The following INTS7 variants were observed in gnomAD, a reference collection of about 807,000 sequenced individuals.
INTS7 encodes the protein chromosome 1 open reading frame 73.
INTS7 carries 46 observed loss-of-function variants against 109.2 expected under a neutral mutation model. The observed-to-expected ratio is 0.42, with a 90% CI of 0.33 to 0.54. The LOEUF (loss-of-function observed/expected upper bound fraction) is 0.54. Ranked by LOEUF, INTS7 falls within the 20% of genes least tolerant of loss-of-function variation. The pLI, the probability that INTS7 is intolerant of heterozygous loss-of-function variation, is 0.07. For missense variants in INTS7, 929 were observed against 1,132.4 expected (o/e 0.82, Z 2.58); for synonymous variants, 412 against 402.9 (o/e 1.02, Z -0.27).
intron 8 of INTS7, 116 bp downstream of exon 8, chr1:211,987,770 G>C (rs1447746401): frequency 1.9e-6 from 1 of 532,604 alleles, no homozygotes; most frequent in African/African-American, 1.9e-5. Context: ...GCATGCAATG[G>C]AGTATGAGAT....
intron 13 of INTS7, among the ~76,000 whole-genome samples, chr1:211,972,444 T>G (rs182289529): frequency 6.6e-6 from 1 of 152,172 alleles, no homozygotes; most frequent in Admixed American, 6.5e-5. Flanking sequence ...GAAATGTTCA[T>G]TGGAACGTTT....
chr1:212,030,008 T>C (rs1227466484), intron 1 of INTS7, among the ~76,000 whole-genome samples: 1 of 152,224 alleles, frequency 6.6e-6, no homozygotes, highest in East Asian at 1.9e-4. Context: ...CATGGCAAGA[T>C]GTATGCAACA....
intron 17 of INTS7, among the ~76,000 whole-genome samples, chr1:211,949,508 A>G (rs1039461765): frequency 6.6e-6 from 1 of 152,194 alleles, no homozygotes; most frequent in Admixed American, 6.5e-5. Context: ...AGCCTTGAAA[A>G]TATTTTCACT....
intron 12 of INTS7, 45 bp from the exon 13 acceptor site, chr1:211,975,417 G>T: frequency 7.0e-7 from 1 of 1,437,168 alleles, no homozygotes; most frequent in Non-Finnish European, 9.8e-7. Flanking sequence ...AGGAGCACAC[G>T]GTGAGGTTCT....
intron 1 of INTS7, among the ~76,000 whole-genome samples, chr1:212,031,986 CCTAA>C (rs971375700): frequency 2.0e-5 from 3 of 152,190 alleles, no homozygotes; most frequent in South Asian, 4.1e-4. Context: ...ACATCTTATG[CCTAA>C]CTGACTAATC....
At chr1:212,026,851 C>T (rs1666945944) in intron 1 of INTS7, among the ~76,000 whole-genome samples, 1 of 152,174 alleles carries the variant, frequency 6.6e-6, no homozygotes, top group African/African-American at 2.4e-5. Flanking sequence ...AGCCTATGTA[C>T]AGGTAGTCTC....
intron 16 of INTS7, 141 bp from the exon 17 acceptor site, chr1:211,952,842 G>C (rs1357082004): frequency 6.1e-6 from 5 of 823,802 alleles, no homozygotes; most frequent in Non-Finnish European, 5.6e-6. Context: ...GAAAATTGAG[G>C]CTAGGAGAGG....
chr1:211,982,954 A>G (rs1664728449), intron 8 of INTS7, 144 bp from the exon 9 acceptor site: 2 of 572,998 alleles, frequency 3.5e-6, no homozygotes, highest in Admixed American at 6.6e-5. Context: ...CCCACTATCA[A>G]TACATATCAG....
intron 7 of INTS7, among the ~76,000 whole-genome samples, chr1:212,002,326 G>A (rs1665709492): frequency 2.0e-5 from 3 of 152,144 alleles, no homozygotes; most frequent in Admixed American, 2.0e-4. Context: ...CTGCCTTTGG[G>A]CCCCTACAAC....
At chr1:211,952,795 T>C in intron 16 of INTS7, 94 bp from the exon 17 acceptor site, 1 of 1,149,032 alleles carries the variant, frequency 8.7e-7, no homozygotes, top group South Asian at 1.4e-5. Context: ...TTTCATTTAA[T>C]TTTTAAAATA....
intron 7 of INTS7, among the ~76,000 whole-genome samples, chr1:211,998,054 C>A (rs1665489757): frequency 6.6e-6 from 1 of 152,130 alleles, no homozygotes; most frequent in Non-Finnish European, 1.5e-5. Context: ...GAACTCTTGG[C>A]CTCAAGCGAT....
At chr1:211,966,858 G>C (rs552628899) in intron 15 of INTS7, among the ~76,000 whole-genome samples, 5 of 151,880 alleles carry the variant, frequency 3.3e-5, no homozygotes, top group Admixed American at 3.3e-4. Context: ...ACTGATAAAA[G>C]TTAAAAAAAA....
At chr1:211,987,684 A>AT (rs370885295) in intron 8 of INTS7, among the ~76,000 whole-genome samples, 2 of 152,220 alleles carry the variant, frequency 1.3e-5, no homozygotes, top group African/African-American at 2.4e-5. Context: ...AAAATATATT[A>AT]TTGACTTAAG....
At chr1:212,029,118 C>T (rs577136824) in intron 1 of INTS7, among the ~76,000 whole-genome samples, 29 of 152,302 alleles carry the variant, frequency 1.9e-4, no homozygotes, top group African/African-American at 6.5e-4. Context: ...TTGGGATACA[C>T]ATTAATCAAG....
chr1:211,944,664 TC>T, intron 19 of INTS7, 119 bp downstream of exon 19: 1 of 773,122 alleles, frequency 1.3e-6, no homozygotes, highest in Non-Finnish European at 2.1e-6. Context: ...TTAATTTATG[TC>T]CATCTGATCC....
chr1:211,960,744 A>G (rs1663586153), intron 16 of INTS7, among the ~76,000 whole-genome samples: 1 of 152,322 alleles, frequency 6.6e-6, no homozygotes, highest in East Asian at 1.9e-4. Context: ...ATAAGAGAGT[A>G]AGACAAGAAT....
chr1:211,980,305 A>C (rs1179262807), intron 10 of INTS7, among the ~76,000 whole-genome samples: 6 of 152,218 alleles, frequency 3.9e-5, no homozygotes, highest in African/African-American at 1.4e-4. Flanking sequence ...ACCACACCTT[A>C]GACAAGCTAA....
rs1434558796 is a variant in INTS7, at chr1:211,941,931, C to T, written c.2782G>A (p.Val928Ile). Residue 928 changes from valine (V) to isoleucine (I), a missense_variant, in exon 20 of 20, where the codon GTA becomes ATA. Coordinates refer to ENST00000366994, the MANE Select transcript of INTS7 (RefSeq NM_015434.4). ...GAATAAGGGTCTTCCAGGGATTTTA[C>T]AAATATGGTAGTTCTGGGACCAGTC... ...WKTGPRTTIF[V>I]KSLEDPYSQQ... The T allele has an allele frequency of 1.2e-6, 2 of 1,614,194 alleles. No homozygotes were observed. Among genetic ancestry groups the T allele is most frequent in the East Asian group, 2.2e-5 (1 of 44,884 alleles).
intron 18 of INTS7, among the ~76,000 whole-genome samples, chr1:211,945,251 T>C (rs895353266): frequency 1.3e-5 from 2 of 152,216 alleles, no homozygotes; most frequent in African/African-American, 4.8e-5. Context: ...TGGTGAGGCA[T>C]TTCTTTGACA....
Sources: gnomAD v4.1 joint callset for allele counts (sites outside exome capture counted in the v4.1 genomes callset) on GRCh38, gnomAD v4.1.1 for gene constraint, MANE v1.5 for transcripts, NCBI Gene and HGNC (gene_info 2026-07-23, HGNC 2026-07-21) for gene names.